Variants in TASP1 observed in about 807,000 individuals in gnomAD.
TASP1 encodes taspase 1.
TASP1 carries 16 observed loss-of-function variants against 56.6 expected under a neutral mutation model. That is an observed-to-expected ratio of 0.28 (90% CI 0.19 to 0.43). The LOEUF is 0.43. Ranked by LOEUF, TASP1 falls within the 20% of genes least tolerant of loss-of-function variation. TASP1 has a pLI of 1.00. For synonymous variants in TASP1, 179 were observed against 184.2 expected, an observed-to-expected ratio of 0.97 and a Z score of 0.23; for missense variants, 393 against 511.6, an observed-to-expected ratio of 0.77 and a Z score of 2.24.
At chr20:13,470,171 A>G (rs1600899157) in intron 11 of TASP1, among the ~76,000 whole-genome samples, 1 of 152,108 alleles carries the variant, frequency 6.6e-6, no homozygotes, top group East Asian at 1.9e-4. Context: ...CACTCTTCCT[A>G]TTCTTCAACC....
the TASP1 span, among the ~76,000 whole-genome samples, chr20:13,216,018 G>A: frequency 2.0e-5 from 3 of 152,188 alleles, no homozygotes; most frequent in Non-Finnish European, 2.9e-5. Flanking sequence ...AGGGCTTCCA[G>A]TTTACCTCTA....
At chr20:13,293,209 A>G in the TASP1 span, among the ~76,000 whole-genome samples, 7 of 125,684 alleles carry the variant, frequency 5.6e-5, no homozygotes, top group Non-Finnish European at 8.0e-5. Context: ...CTCCGTCTCA[A>G]AAAAAAAAAA....
intron 12 of TASP1, among the ~76,000 whole-genome samples, chr20:13,426,051 GACTA>G (rs1389422769): frequency 6.6e-6 from 1 of 152,148 alleles, no homozygotes; most frequent in South Asian, 2.1e-4. Flanking sequence ...ATTTGTTCAA[GACTA>G]ACTAACAAAG....
At position 13,417,320 on chromosome 20, in the gene TASP1, T is replaced by C. The variant is rs992660083; in HGVS notation, c.1170+128A>G. 5 of 786,608 alleles carry C rather than the reference T, an allele frequency of 6.4e-6. No individual in the cohort carries two copies. The African/African-American group carries it at 6.9e-5, about 11-fold the overall frequency. 48.7% of individuals were successfully genotyped at this position (786,608 alleles called of 1,614,324 possible). On this transcript the variant is annotated intron_variant, in intron 13 of 13. Transcript: ENST00000337743. ...GCATTGTTAACTGTTCTTATTCGGA[T>C]GCTTATGAAGACCACAAAGCTACTG...
chr20:13,613,479 A>G (rs2048419078), intron 4 of TASP1, among the ~76,000 whole-genome samples: 1 of 152,166 alleles, frequency 6.6e-6, no homozygotes, highest in African/African-American at 2.4e-5. Context: ...CAATGCTTGT[A>G]TAGGAAAATT....
At chr20:13,269,934 A>AGGATGGATGGATGGATGGATGGATGGAT in the TASP1 span, among the ~76,000 whole-genome samples, 4 of 149,798 alleles carry the variant, frequency 2.7e-5, no homozygotes, top group East Asian at 2.0e-4. Flanking sequence ...TGTGGGTGGA[A>AGGATGGATGGATGGATGGATGGATGGAT]GGATGGATGG....
chr20:13,435,822 T>C (rs1254123038), intron 11 of TASP1, among the ~76,000 whole-genome samples: 1 of 152,090 alleles, frequency 6.6e-6, no homozygotes, highest in Non-Finnish European at 1.5e-5. Flanking sequence ...ACGTGGAAAA[T>C]AAATGCAAAA....
At chr20:13,623,035 T>C (rs1308976562) in intron 4 of TASP1, among the ~76,000 whole-genome samples, 1 of 152,216 alleles carries the variant, frequency 6.6e-6, no homozygotes, top group African/African-American at 2.4e-5. Flanking sequence ...TTTCAGGGTA[T>C]ATATCTAACT....
At chr20:13,609,325 T>C (rs2048267722) in intron 4 of TASP1, among the ~76,000 whole-genome samples, 1 of 152,122 alleles carries the variant, frequency 6.6e-6, no homozygotes, top group Admixed American at 6.5e-5. Context: ...AATTATAACC[T>C]TGCATATTGC....
In TASP1 at chr20:13,500,276, T is replaced by C. The variant is rs548733066; in HGVS notation, c.875-16939A>G. Among the ~76,000 whole-genome samples, 8 of 145,374 alleles carry C rather than the reference T, an allele frequency of 5.5e-5. No homozygotes were observed. In the South Asian group the frequency reaches 9.2e-4, roughly 17 times the overall value. On this transcript the variant is annotated intron_variant, in intron 10 of 13. Coordinates refer to ENST00000337743, the MANE Select transcript of TASP1 (RefSeq NM_017714.3). ...CTGTGTATGTGTGTATATATATATA[T>C]ACACTCAATTTGTCATACTAGATGC...
chr20:13,394,475 G>T (rs1168287761), intron 13 of TASP1, among the ~76,000 whole-genome samples: 1 of 152,022 alleles, frequency 6.6e-6, no homozygotes, highest in Non-Finnish European at 1.5e-5. Context: ...AGCCGGACGT[G>T]GTGGCAGGCA....
the TASP1 span, chr20:13,117,683 C>T: frequency 6.2e-7 from 1 of 1,613,356 alleles, no homozygotes. Context: ...GCACATTCAC[C>T]AAAAGTTTTG....
At chr20:13,413,338 G>C (rs1365004399) in intron 13 of TASP1, among the ~76,000 whole-genome samples, 1 of 152,076 alleles carries the variant, frequency 6.6e-6, no homozygotes, top group Non-Finnish European at 1.5e-5. Flanking sequence ...TGTCACACAA[G>C]GCAGAGAAAC....
chr20:13,260,671 C>T, the TASP1 span, among the ~76,000 whole-genome samples: 47 of 151,874 alleles, frequency 3.1e-4, 1 homozygote, highest in South Asian at 7.1e-3. Context: ...GATTCCATTC[C>T]GAGGAAGTCA....
At chr20:13,159,844 G>A in the TASP1 span, among the ~76,000 whole-genome samples, 1 of 151,618 alleles carries the variant, frequency 6.6e-6, no homozygotes, top group Non-Finnish European at 1.5e-5. Context: ...AATTTTATTT[G>A]ACAGAAGTTT....
the TASP1 span, among the ~76,000 whole-genome samples, chr20:13,118,500 G>A: frequency 1.3e-5 from 2 of 149,870 alleles, no homozygotes; most frequent in Admixed American, 6.7e-5. Context: ...TTTAAAAGGA[G>A]GGAAAGGAAA....
At chr20:13,292,209 T>C in the TASP1 span, among the ~76,000 whole-genome samples, 4 of 152,230 alleles carry the variant, frequency 2.6e-5, no homozygotes, top group African/African-American at 9.6e-5. Context: ...GTTTCTGCAC[T>C]ACGACCTGCT....
intron 11 of TASP1, among the ~76,000 whole-genome samples, chr20:13,450,378 C>T (rs187727957): frequency 1.8e-4 from 27 of 152,140 alleles, no homozygotes; most frequent in African/African-American, 6.0e-4. Context: ...TGAAAGATTT[C>T]TTTGTAGCAT....
chr20:13,179,406 CGTGTGT>C, the TASP1 span, among the ~76,000 whole-genome samples: 74 of 143,514 alleles, frequency 5.2e-4, no homozygotes, highest in Admixed American at 2.8e-3. Context: ...GAATTATGTG[CGTGTGT>C]GTGTGTGTGT....
Sources: allele counts gnomAD v4.1 joint callset (sites outside exome capture counted in the v4.1 genomes callset), GRCh38; gene constraint gnomAD v4.1.1; transcripts MANE v1.5; gene names NCBI Gene and HGNC (gene_info 2026-07-23, HGNC 2026-07-21).